RCAN1: variants seen among roughly 807,000 people sequenced by gnomAD.
RCAN1 encodes calcipressin-1.
Under a neutral mutation model 22.9 loss-of-function variants are expected in RCAN1, and 11 were observed. That is an observed-to-expected ratio of 0.48 (90% CI 0.30 to 0.79). The LOEUF is 0.79. Ranked by LOEUF, RCAN1 falls within the 30% of genes least tolerant of loss-of-function variation. RCAN1 has a pLI of 0.06. For synonymous variants in RCAN1, 136 were observed against 142.3 expected, an observed-to-expected ratio of 0.96 and a Z score of 0.32; for missense variants, 291 against 337.8, an observed-to-expected ratio of 0.86 and a Z score of 1.09.
At chr21:34,524,153 C>G (rs1223650894) in intron 1 of RCAN1, 1 of 155,336 alleles carries the variant, frequency 6.4e-6, no homozygotes, top group African/African-American at 2.4e-5. Flanking sequence ...TAGAGAAAAG[C>G]CTTTCCCCTC....
chr21:34,523,280 G>A (rs1292265012), intron 2 of RCAN1, among the ~76,000 whole-genome samples: 1 of 152,208 alleles, frequency 6.6e-6, no homozygotes, highest in African/African-American at 2.4e-5. Flanking sequence ...GCTCCCCAGT[G>A]AACAGGGAAG....
At chr21:34,579,702 T>G (rs888997836) in intron 1 of RCAN1, among the ~76,000 whole-genome samples, 13 of 152,212 alleles carry the variant, frequency 8.5e-5, no homozygotes, top group African/African-American at 2.7e-4. Context: ...TTAGGCTTTA[T>G]AGAAAATAGA....
intron 3 of RCAN1, among the ~76,000 whole-genome samples, chr21:34,519,857 GTGA>G (rs1321373547): frequency 6.6e-6 from 1 of 152,134 alleles, no homozygotes; most frequent in Non-Finnish European, 1.5e-5. Flanking sequence ...AAGGAAGGTG[GTGA>G]TCTTTTCTCT....
chr21:34,540,552 C>T (rs1878989607), intron 1 of RCAN1, among the ~76,000 whole-genome samples: 1 of 152,174 alleles, frequency 6.6e-6, no homozygotes, highest in Non-Finnish European at 1.5e-5. Context: ...ATTTCCTTCA[C>T]CGAACTAAGG....
intron 1 of RCAN1, among the ~76,000 whole-genome samples, chr21:34,596,444 G>A (rs182068677): frequency 2.6e-4 from 40 of 152,236 alleles, no homozygotes; most frequent in East Asian, 1.9e-3. Flanking sequence ...GAAAAAACTC[G>A]AAGTGCAAGC....
At chr21:34,529,827 A>G (rs1339659441) in intron 1 of RCAN1, among the ~76,000 whole-genome samples, 7 of 152,056 alleles carry the variant, frequency 4.6e-5, no homozygotes, top group Admixed American at 2.6e-4. Context: ...TGTGGGAGGG[A>G]CCCAGGGGGA....
chr21:34,544,704 A>G (rs746091580), intron 1 of RCAN1, among the ~76,000 whole-genome samples: 1 of 152,174 alleles, frequency 6.6e-6, no homozygotes, highest in Non-Finnish European at 1.5e-5. Context: ...GCCTTTGCTG[A>G]ATCTCTTCCT....
chr21:34,569,484 C>A (rs746858472), intron 1 of RCAN1, among the ~76,000 whole-genome samples: 3 of 152,154 alleles, frequency 2.0e-5, no homozygotes, highest in African/African-American at 7.2e-5. Context: ...GTTACCATAT[C>A]CTAGATTAGA....
At chr21:34,550,657 C>T (rs1986330955) in intron 1 of RCAN1, among the ~76,000 whole-genome samples, 1 of 152,164 alleles carries the variant, frequency 6.6e-6, no homozygotes, top group Non-Finnish European at 1.5e-5. Context: ...GTTTAAGCCA[C>T]CCAGTCTGTA....
At chr21:34,571,267 T>C (rs1987226112) in intron 1 of RCAN1, among the ~76,000 whole-genome samples, 1 of 152,220 alleles carries the variant, frequency 6.6e-6, no homozygotes, top group African/African-American at 2.4e-5. Context: ...CACTCCAGCC[T>C]GGGCAACAAG....
At chr21:34,613,952 C>T in intron 1 of RCAN1, 1 of 932,368 alleles carries the variant, frequency 1.1e-6, no homozygotes, top group Middle Eastern at 2.5e-4. Flanking sequence ...CTGTGACGCC[C>T]ACGTTGTCCA....
At chr21:34,540,755 G>A (rs1285060702) in intron 1 of RCAN1, among the ~76,000 whole-genome samples, 1 of 152,122 alleles carries the variant, frequency 6.6e-6, no homozygotes, top group Non-Finnish European at 1.5e-5. Context: ...GGGAGGCCGA[G>A]GTGGGCAGAT....
intron 3 of RCAN1, 104 bp downstream of exon 3, chr21:34,521,395 C>A: frequency 6.3e-7 from 1 of 1,587,240 alleles, no homozygotes; most frequent in Non-Finnish European, 8.5e-7. Flanking sequence ...AACATGCCGG[C>A]ATGGGCTCAG....
Position 34,578,943 on chromosome 21 carries a change from C to T in RCAN1, c.252+35817G>A, listed in dbSNP as rs572670229. On this transcript the variant is annotated intron_variant, in intron 1 of 3. Transcript: ENST00000313806. Reference sequence around the variant, plus strand: ...CAGGCAAGGTCATCTACCCTTTGGGCCCCTGGTTCCTCACCTGAATAACAA... The same window carrying T: ...CAGGCAAGGTCATCTACCCTTTGGGTCCCTGGTTCCTCACCTGAATAACAA... Among the ~76,000 whole-genome samples the T allele has an allele frequency of 5.3e-5, 8 of 152,232 alleles. No individual in the cohort carries two copies. The South Asian group carries it at 1.7e-3, about 32-fold the overall frequency.
At chr21:34,596,983 A>G (rs1203844180) in intron 1 of RCAN1, among the ~76,000 whole-genome samples, 1 of 152,212 alleles carries the variant, frequency 6.6e-6, no homozygotes, top group Non-Finnish European at 1.5e-5. Context: ...GGGGTTGGAC[A>G]GTGACACCAG....
At chr21:34,565,331 T>G (rs1986963106) in intron 1 of RCAN1, among the ~76,000 whole-genome samples, 1 of 152,220 alleles carries the variant, frequency 6.6e-6, no homozygotes, top group Non-Finnish European at 1.5e-5. Context: ...AAAACCAGGT[T>G]TCCCTGGTAG....
chr21:34,583,657 A>G (rs1324746361), intron 1 of RCAN1, among the ~76,000 whole-genome samples: 1 of 152,208 alleles, frequency 6.6e-6, no homozygotes, highest in African/African-American at 2.4e-5. Flanking sequence ...TGCCGGCACC[A>G]TGATCTCGGA....
intron 3 of RCAN1, among the ~76,000 whole-genome samples, chr21:34,520,693 C>T (rs1280029241): frequency 6.6e-6 from 1 of 152,174 alleles, no homozygotes; most frequent in East Asian, 1.9e-4. Flanking sequence ...AAGACTCTCC[C>T]TCACACCTGC....
intron 1 of RCAN1, among the ~76,000 whole-genome samples, chr21:34,574,328 G>A (rs764283992): frequency 1.4e-4 from 22 of 152,204 alleles, no homozygotes; most frequent in South Asian, 2.1e-4. Flanking sequence ...TCAATCAAGC[G>A]TGAGGGTGAG....
Sources: gnomAD v4.1 joint callset for allele counts (sites outside exome capture counted in the v4.1 genomes callset) on GRCh38, gnomAD v4.1.1 for gene constraint, MANE v1.5 for transcripts, NCBI Gene and HGNC (gene_info 2026-07-23, HGNC 2026-07-21) for gene names.